Variants in ARHGEF10 observed in about 807,000 individuals in gnomAD.
The protein encoded by ARHGEF10 is Rho guanine nucleotide exchange factor 10.
ARHGEF10 carries 140 observed loss-of-function variants against 147.4 expected under a neutral mutation model. That is an observed-to-expected ratio of 0.95 (90% CI 0.83 to 1.09). The LOEUF is 1.09. ARHGEF10 is among the 50% of genes least tolerant of loss of function. The probability of loss-of-function intolerance (pLI) is 0.00; values close to 1 mark genes in which losing one functional copy is unlikely to be tolerated. For synonymous variants in ARHGEF10, 902 were observed against 695.8 expected (o/e 1.30, Z -4.67); for missense variants, 2,222 against 1,752.7 (o/e 1.27, Z -4.78).
chr8:1,842,834 C>T (rs1804198979), intron 1 of ARHGEF10, among the ~76,000 whole-genome samples: 1 of 152,218 alleles, frequency 6.6e-6, no homozygotes, highest in Admixed American at 6.5e-5. Context: ...AGCAGGCAGG[C>T]CGGGACCCAG....
At chr8:1,900,569 C>T (rs527550898) in intron 15 of ARHGEF10, among the ~76,000 whole-genome samples, 21 of 152,250 alleles carry the variant, frequency 1.4e-4, no homozygotes, top group East Asian at 9.6e-4. Flanking sequence ...TGCAGACGTG[C>T]GCTGTCGGAC....
intron 7 of ARHGEF10, chr8:1,871,026 T>C (rs1197724795): frequency 6.9e-6 from 1 of 145,144 alleles, no homozygotes; most frequent in Admixed American, 7.3e-5. Flanking sequence ...GGCAGGAGAA[T>C]CACTTGAACC....
intron 16 of ARHGEF10, among the ~76,000 whole-genome samples, chr8:1,905,216 G>A (rs1382750877): frequency 1.3e-5 from 2 of 151,806 alleles, no homozygotes; most frequent in Non-Finnish European, 2.9e-5. Context: ...AAGAACTGAT[G>A]GTTTTGCTTT....
chr8:1,860,595 C>T (rs1189515842), intron 4 of ARHGEF10, among the ~76,000 whole-genome samples: 2 of 152,168 alleles, frequency 1.3e-5, no homozygotes, highest in African/African-American at 4.8e-5. Flanking sequence ...TCTTCAGTGA[C>T]AGGAACACCA....
rs185595525 is a variant in ARHGEF10, at chr8:1,957,760, A to G, written c.*497A>G. On this transcript the variant is annotated 3_prime_UTR_variant, in exon 29 of 29. Coordinates refer to ENST00000349830, the MANE Select transcript of ARHGEF10 (RefSeq NM_014629.4). ...TTTGAATTTCAGAGTAAAATTTGTTAACAATTTTAAAAGCCAGGTAACACC... is the reference window on the plus strand; with the variant it reads ...TTTGAATTTCAGAGTAAAATTTGTTGACAATTTTAAAAGCCAGGTAACACC... 2 of 162,792 alleles carry G rather than the reference A, an allele frequency of 1.2e-5. No homozygotes were observed. The highest frequency in any genetic ancestry group is 1.2e-4 in the Admixed American group (2 of 16,964). The allele number at this position is 162,792 out of a possible 1,614,324, so 10.1% of individuals were successfully genotyped here. A position where few individuals can be genotyped will look rare whatever the true frequency, so the allele number is the denominator to read the frequency against.
At chr8:1,849,765 GT>G (rs1646692790) in intron 2 of ARHGEF10, among the ~76,000 whole-genome samples, 1 of 139,108 alleles carries the variant, frequency 7.2e-6, no homozygotes, top group Non-Finnish European at 1.5e-5. Flanking sequence ...GGGCGGCCAC[GT>G]GGACATAGAG....
intron 1 of ARHGEF10, among the ~76,000 whole-genome samples, chr8:1,841,825 CTGGGG>C: frequency 1.0e-5 from 1 of 98,108 alleles, no homozygotes; most frequent in Non-Finnish European, 2.4e-5. Flanking sequence ...GCGGCGGGAA[CTGGGG>C]CCGCGACGGG....
At chr8:1,895,709 C>A (rs1490868908) in intron 13 of ARHGEF10, among the ~76,000 whole-genome samples, 1 of 152,172 alleles carries the variant, frequency 6.6e-6, no homozygotes, top group Non-Finnish European at 1.5e-5. Flanking sequence ...CAATGCCAGT[C>A]ACACCAGAGC....
At chr8:1,901,815 C>T (rs1295594016) in intron 15 of ARHGEF10, among the ~76,000 whole-genome samples, 1 of 152,142 alleles carries the variant, frequency 6.6e-6, no homozygotes, top group Non-Finnish European at 1.5e-5. Flanking sequence ...CATAGGAAAA[C>T]AAATGTATAG....
upstream of ARHGEF10, among the ~76,000 whole-genome samples, chr8:1,823,723 C>T (rs932773771): frequency 2.0e-5 from 3 of 151,774 alleles, no homozygotes; most frequent in African/African-American, 7.3e-5. Flanking sequence ...CTCTGCCGCG[C>T]GCCCCCTCCC....
chr8:1,879,456 C>T (rs1053560137), intron 8 of ARHGEF10, among the ~76,000 whole-genome samples: 15 of 152,078 alleles, frequency 9.9e-5, no homozygotes, highest in East Asian at 7.7e-4. Context: ...ATTTTGTGTG[C>T]GTGCATTTGC....
intron 1 of ARHGEF10, among the ~76,000 whole-genome samples, chr8:1,838,357 T>G (rs965926450): frequency 6.6e-6 from 1 of 152,238 alleles, no homozygotes; most frequent in Non-Finnish European, 1.5e-5. Context: ...CGTACTCTTC[T>G]TCCATCCGTC....
At chr8:1,837,586 C>T (rs983587700) in intron 1 of ARHGEF10, among the ~76,000 whole-genome samples, 2 of 152,174 alleles carry the variant, frequency 1.3e-5, no homozygotes, top group African/African-American at 2.4e-5. Context: ...CACAAAGCCA[C>T]GTGGCTGTTA....
intron 15 of ARHGEF10, 55 bp downstream of exon 15, chr8:1,898,580 A>G: frequency 1.3e-6 from 2 of 1,549,054 alleles, no homozygotes; most frequent in Non-Finnish European, 1.8e-6. Flanking sequence ...CCCATGACTC[A>G]TTTGAAAATG....
chr8:1,837,979 C>G (rs1363110002), intron 1 of ARHGEF10, among the ~76,000 whole-genome samples: 1 of 152,216 alleles, frequency 6.6e-6, no homozygotes, highest in Non-Finnish European at 1.5e-5. Flanking sequence ...CCTCCTCTGT[C>G]TCCCCTCAGG....
chr8:1,933,369 C>T (rs1166611496), intron 25 of ARHGEF10, among the ~76,000 whole-genome samples: 2 of 152,078 alleles, frequency 1.3e-5, no homozygotes, highest in African/African-American at 2.4e-5. Flanking sequence ...TGTAAATGGT[C>T]GTATTGACTG....
At chr8:1,904,755 G>A (rs2129176464) in intron 16 of ARHGEF10, among the ~76,000 whole-genome samples, 1 of 152,322 alleles carries the variant, frequency 6.6e-6, no homozygotes, top group East Asian at 1.9e-4. Flanking sequence ...CTGGGCAGCA[G>A]CGTAGGTTTA....
intron 4 of ARHGEF10, among the ~76,000 whole-genome samples, chr8:1,863,691 G>A (rs938322281): frequency 1.2e-4 from 18 of 152,086 alleles, no homozygotes; most frequent in African/African-American, 3.9e-4. Context: ...CTGCACTGGC[G>A]TCTCAGGCTG....
intron 2 of ARHGEF10, among the ~76,000 whole-genome samples, chr8:1,852,066 C>G (rs1160800647): frequency 6.6e-6 from 1 of 152,096 alleles, no homozygotes; most frequent in Non-Finnish European, 1.5e-5. Context: ...TTCAGGCCTG[C>G]GAGGTCCACT....
Sources: allele counts gnomAD v4.1 joint callset (sites outside exome capture counted in the v4.1 genomes callset), GRCh38; gene constraint gnomAD v4.1.1; transcripts MANE v1.5; gene names NCBI Gene and HGNC (gene_info 2026-07-23, HGNC 2026-07-21).